The following PKHD1 variants were observed in gnomAD, a reference collection of about 807,000 sequenced individuals.
PKHD1 encodes the protein PKHD1 ciliary IPT domain containing fibrocystin/polyductin.
In PKHD1, 291 loss-of-function variants were observed where a neutral mutation model predicts 412.0. The observed-to-expected ratio is 0.71, with a 90% confidence interval of 0.64 to 0.78. The LOEUF is 0.78. Ranked by LOEUF, PKHD1 falls within the 30% of genes least tolerant of loss-of-function variation. PKHD1 has a pLI of 0.00. For missense variants in PKHD1, 4,825 were observed against 4,950.7 expected (o/e 0.97, Z 0.76); for synonymous variants, 1,777 against 1,821.5 (o/e 0.98, Z 0.62).
intron 60 of PKHD1, among the ~76,000 whole-genome samples, chr6:51,716,081 T>C (rs1469949386): frequency 6.6e-6 from 1 of 152,238 alleles, no homozygotes; most frequent in Non-Finnish European, 1.5e-5. Context: ...AAAGGCACAT[T>C]TGCTAAAACA....
intron 49 of PKHD1, among the ~76,000 whole-genome samples, chr6:51,853,218 A>C (rs1190753695): frequency 6.6e-6 from 1 of 152,190 alleles, no homozygotes; most frequent in East Asian, 1.9e-4. Flanking sequence ...TTTCTTTAAG[A>C]ATGTTGAATA....
At chr6:51,843,613 A>G (rs1770611239) in intron 50 of PKHD1, among the ~76,000 whole-genome samples, 1 of 152,226 alleles carries the variant, frequency 6.6e-6, no homozygotes, top group African/African-American at 2.4e-5. Context: ...CTTTGCAAAT[A>G]TAAAAGAACA....
chr6:51,761,939 A>G (rs1460346212), intron 55 of PKHD1, among the ~76,000 whole-genome samples: 1 of 152,008 alleles, frequency 6.6e-6, no homozygotes, highest in African/African-American at 2.4e-5. Flanking sequence ...TTCTTAGGTC[A>G]AAAATTTAAG....
intron 51 of PKHD1, among the ~76,000 whole-genome samples, chr6:51,834,375 G>A (rs946897852): frequency 1.1e-4 from 17 of 152,116 alleles, no homozygotes; most frequent in East Asian, 9.6e-4. Flanking sequence ...AAGAATACCC[G>A]ATGATCTGGA....
chr6:52,079,799 C>T (rs988382517), intron 5 of PKHD1, 101 bp downstream of exon 5: 10 of 783,386 alleles, frequency 1.3e-5, no homozygotes, highest in East Asian at 2.4e-5. Context: ...TCTTTTAACC[C>T]GGTCAAGCAG....
At chr6:51,647,387 A>G (rs1419824518) in intron 63 of PKHD1, among the ~76,000 whole-genome samples, 1 of 152,142 alleles carries the variant, frequency 6.6e-6, no homozygotes, top group Non-Finnish European at 1.5e-5. Context: ...ATGTTGCCAA[A>G]CTATCTTGGG....
At chr6:51,926,592 T>C (rs1785665149) in intron 37 of PKHD1, among the ~76,000 whole-genome samples, 1 of 152,168 alleles carries the variant, frequency 6.6e-6, no homozygotes. Context: ...TACATTTACA[T>C]GCAAACACCT....
chr6:51,740,917 A>G (rs927249325), intron 60 of PKHD1, among the ~76,000 whole-genome samples: 1 of 152,208 alleles, frequency 6.6e-6, no homozygotes, highest in African/African-American at 2.4e-5. Context: ...TAGCAACCTC[A>G]TTTAAAATGT....
intron 64 of PKHD1, among the ~76,000 whole-genome samples, chr6:51,633,233 G>A (rs986470614): frequency 6.6e-6 from 1 of 152,140 alleles, no homozygotes; most frequent in Admixed American, 6.6e-5. Flanking sequence ...AGATAGAACT[G>A]CCGGCCATGA....
intron 60 of PKHD1, 150 bp from the exon 61 acceptor site, chr6:51,660,119 T>A (rs1229424639): frequency 1.7e-5 from 9 of 534,942 alleles, no homozygotes; most frequent in Non-Finnish European, 2.9e-5. Flanking sequence ...CAAGGAAGAT[T>A]GCGGCAAAAT....
chr6:51,813,329 G>A (rs767219642), intron 52 of PKHD1, among the ~76,000 whole-genome samples: 3 of 151,976 alleles, frequency 2.0e-5, no homozygotes, highest in African/African-American at 7.2e-5. Flanking sequence ...TACTGTGCCT[G>A]GAACATTAAA....
Position 51,809,871 on chromosome 6 carries a change from G to GAA in PKHD1, c.8303-18500_8303-18499dup, listed in dbSNP as rs60615661. Among the ~76,000 whole-genome samples the GAA allele has an allele frequency of 1.4e-3, 202 of 147,202 alleles. 4 individuals carry two copies. The South Asian group carries it at 0.019, about 14-fold the overall frequency. On this transcript the variant is annotated intron_variant, in intron 52 of 66. Transcript: ENST00000371117. ...TTAAATATCTTGTATTTTTTTTCTA[G>GAA]AAAAAAAAAAACATAGGCTTACCAG... is the stretch of plus-strand genomic sequence containing the variant.
chr6:51,669,939 C>T (rs1326758682), intron 60 of PKHD1, among the ~76,000 whole-genome samples: 4 of 150,092 alleles, frequency 2.7e-5, no homozygotes, highest in African/African-American at 9.9e-5. Context: ...TGTTCTTTTA[C>T]ATTTGCTGAG....
At chr6:51,725,298 T>C (rs189664393) in intron 60 of PKHD1, among the ~76,000 whole-genome samples, 1 of 152,196 alleles carries the variant, frequency 6.6e-6, no homozygotes. Flanking sequence ...GACTGAACAA[T>C]TGCTCCTTGT....
intron 37 of PKHD1, among the ~76,000 whole-genome samples, chr6:51,926,836 A>AT (rs1294834489): frequency 2.0e-5 from 3 of 152,114 alleles, no homozygotes; most frequent in African/African-American, 7.2e-5. Flanking sequence ...AAAAAACCTT[A>AT]TTTTTTGTTG....
At chr6:52,054,719 C>T (rs569990590) in intron 19 of PKHD1, among the ~76,000 whole-genome samples, 3 of 152,190 alleles carry the variant, frequency 2.0e-5, no homozygotes, top group Non-Finnish European at 2.9e-5. Flanking sequence ...TGTTCAACAG[C>T]TTCCCTGGCC....
chr6:51,628,956 C>A lies in PKHD1; in HGVS notation c.11666-1840G>T, dbSNP rs113539078. Among the ~76,000 whole-genome samples the A allele has an allele frequency of 5.4e-3, 827 of 152,236 alleles. 7 individuals carry two copies. The highest frequency in any genetic ancestry group is 0.019 in the African/African-American group (781 of 41,548). On this transcript the variant is annotated intron_variant, in intron 65 of 66. Coordinates refer to ENST00000371117, the MANE Select transcript of PKHD1 (RefSeq NM_138694.4). ...CTTCAACAAAGCCAACAATAACAAG[C>A]AATTGTGAAAGGACTCCTTTTCAAT...
intron 35 of PKHD1, among the ~76,000 whole-genome samples, chr6:52,006,383 T>TTTGC (rs1799065830): frequency 6.6e-6 from 1 of 151,192 alleles, no homozygotes; most frequent in Non-Finnish European, 1.5e-5. Context: ...TGTTTGTTTG[T>TTTGC]TTGTTTGTTT....
At chr6:51,982,165 CA>C (rs1795452553) in intron 35 of PKHD1, among the ~76,000 whole-genome samples, 1 of 44,386 alleles carries the variant, frequency 2.3e-5, no homozygotes, top group Non-Finnish European at 5.0e-5. Flanking sequence ...GCCCGGCAGC[CA>C]CCCCGTCCGG....
Sources: gnomAD v4.1 joint callset for allele counts (sites outside exome capture counted in the v4.1 genomes callset) on GRCh38, gnomAD v4.1.1 for gene constraint, MANE v1.5 for transcripts, NCBI Gene and HGNC (gene_info 2026-07-23, HGNC 2026-07-21) for gene names.